SYNE2: variants seen among roughly 807,000 people sequenced by gnomAD.
The protein encoded by SYNE2 is spectrin repeat containing nuclear envelope protein 2.
A neutral mutation model predicts 856.3 loss-of-function variants in SYNE2; 431 were observed. The observed-to-expected ratio is 0.50, with a 90% CI of 0.47 to 0.55. The LOEUF is 0.55. Ranked by LOEUF, SYNE2 falls within the 20% of genes least tolerant of loss-of-function variation. The pLI is 0.00. For synonymous variants in SYNE2, 2,923 were observed against 2,872.3 expected (o/e 1.02, Z -0.56); for missense variants, 8,129 against 8,023.2 (o/e 1.01, Z -0.50).
At position 64,005,328 on chromosome 14, in the gene SYNE2, G is replaced by T. The variant is rs568704570; in HGVS notation, c.4398-1715G>T. ...GACCTATTGTAGTAATCCCTGGTAG[G>T]GATGAAGCTGGCATGGACCAGTGGT... On this transcript the variant is annotated intron_variant, in intron 30 of 115. Coordinates refer to ENST00000555002, the MANE Select transcript of SYNE2 (RefSeq NM_182914.3). Among the ~76,000 whole-genome samples the T allele has an allele frequency of 6.6e-5, 10 of 152,344 alleles. No individual in the cohort carries two copies. The East Asian group carries it at 1.7e-3, about 26-fold the overall frequency.
chr14:64,216,385 T>C lies in SYNE2; in HGVS notation c.19540T>C (p.Tyr6514His), dbSNP rs768294519. Residue 6514 changes from tyrosine (Y) to histidine (H), a missense_variant and splice_region_variant, in exon 108 of 116, where the codon TAT becomes CAT. Coordinates refer to ENST00000555002, the MANE Select transcript of SYNE2 (RefSeq NM_182914.3). ...PASSTPYKPPYGKLLLPPGTD... is the reference protein window; with the variant it reads ...PASSTPYKPPHGKLLLPPGTD... ...GTCCAGCACCCCTTATAAACCACCCTATGTAAGTCTTAACTTCACTGGGAG... is the reference window on the plus strand; with the variant it reads ...GTCCAGCACCCCTTATAAACCACCCCATGTAAGTCTTAACTTCACTGGGAG... The C allele has an allele frequency of 3.1e-6, 5 of 1,614,164 alleles. No homozygotes were observed. In the South Asian group the frequency reaches 5.5e-5, roughly 18 times the overall value.
chr14:63,784,305 A>G (rs1887431643), intron 1 of SYNE2, among the ~76,000 whole-genome samples: 1 of 150,378 alleles, frequency 6.6e-6, no homozygotes, highest in African/African-American at 2.4e-5. Context: ...AGCGTGTCCA[A>G]TATGGTGAAA....
At chr14:63,950,125 C>T (rs543369038) in intron 7 of SYNE2, 119 bp downstream of exon 7, 4 of 1,153,620 alleles carry the variant, frequency 3.5e-6, no homozygotes, top group South Asian at 1.2e-5. Context: ...CCCTTCCTCT[C>T]TGTGCTTCTT....
chr14:64,043,886 G>T (rs1209219540), intron 45 of SYNE2, among the ~76,000 whole-genome samples: 1 of 152,200 alleles, frequency 6.6e-6, no homozygotes, highest in Non-Finnish European at 1.5e-5. Flanking sequence ...TAGTGGAGTG[G>T]TCTCACTGTC....
At chr14:63,882,435 C>T (rs574333087) in intron 1 of SYNE2, among the ~76,000 whole-genome samples, 25 of 152,032 alleles carry the variant, frequency 1.6e-4, no homozygotes, top group Middle Eastern at 6.8e-3. Flanking sequence ...ATGTGGAGGC[C>T]GGGTGAGCGG....
At chr14:63,960,891 AATAAG>A (rs914725711) in intron 8 of SYNE2, 5 of 590,260 alleles carry the variant, frequency 8.5e-6, no homozygotes, top group African/African-American at 5.6e-5. Flanking sequence ...AAAAATAAAA[AATAAG>A]ATAAATAAGA....
chr14:64,208,112 T>C lies in SYNE2; in HGVS notation c.18202-646T>C, dbSNP rs142393447. On this transcript the variant is annotated intron_variant, in intron 100 of 115. Coordinates refer to ENST00000555002, the MANE Select transcript of SYNE2 (RefSeq NM_182914.3). ...TTGGGGAACTGCATCACTATCATCA[T>C]CAAAGGACAAGACTCCAGAGACCCC... is the stretch of plus-strand genomic sequence containing the variant. The C allele has an allele frequency of 1.1e-3, 484 of 456,062 alleles. 5 individuals are homozygous for C. The highest frequency in any genetic ancestry group is 9.1e-3 in the African/African-American group (458 of 50,178). The allele number at this position is 456,062 out of a possible 1,614,324, so 28.3% of individuals were successfully genotyped here.
intron 1 of SYNE2, among the ~76,000 whole-genome samples, chr14:63,790,512 T>G (rs1887696422): frequency 6.6e-6 from 1 of 152,186 alleles, no homozygotes; most frequent in Non-Finnish European, 1.5e-5. Context: ...AGAATACCTT[T>G]TACTTTTGTA....
intron 65 of SYNE2, among the ~76,000 whole-genome samples, chr14:64,109,315 C>T (rs1366292638): frequency 6.6e-6 from 1 of 151,462 alleles, no homozygotes; most frequent in African/African-American, 2.4e-5. Flanking sequence ...TAACAAAATA[C>T]TTACTGAACA....
chr14:64,194,974 C>T (rs1436365789), intron 99 of SYNE2, among the ~76,000 whole-genome samples: 2 of 152,158 alleles, frequency 1.3e-5, no homozygotes, highest in Non-Finnish European at 2.9e-5. Context: ...AGAACTCCCT[C>T]CCCATTTCCT....
chr14:64,069,602 T>C (rs780076842), intron 51 of SYNE2, among the ~76,000 whole-genome samples: 2 of 152,210 alleles, frequency 1.3e-5, no homozygotes, highest in East Asian at 1.9e-4. Flanking sequence ...ATCCCAAGGA[T>C]AGCATATACT....
rs1036345992 is a variant in SYNE2, at chr14:63,903,361, G to A, written c.-51-5737G>A. 2.0e-5 allele frequency among the ~76,000 whole-genome samples: 3 copies of A among 152,116 alleles called. No individual in the cohort carries two copies. The East Asian group carries it at 5.8e-4, about 29-fold the overall frequency. On this transcript the variant is annotated intron_variant, in intron 1 of 115. Transcript: ENST00000555002. The stretch of plus-strand genomic sequence containing the variant: ...GTAAAAAATTATGAATATATCTTTT[G>A]CCTTGTTTGATAATAAATTTTCATG...
chr14:63,900,542 A>AC lies in SYNE2; in HGVS notation c.-51-8550dup, dbSNP rs556107344. Among the ~76,000 whole-genome samples, 265 of 151,872 alleles carry AC rather than the reference A, an allele frequency of 1.7e-3. 1 individual carries two copies. The highest frequency in any genetic ancestry group is 3.0e-3 in the Non-Finnish European group (205 of 67,956). ...AAAGACCCACCGCCATAATTCAATC[A>AC]CCCCCCACTAGGTTCCTCCCATGAC... On this transcript the variant is annotated intron_variant, in intron 1 of 115. Transcript: ENST00000555002.
At position 64,122,048 on chromosome 14, in the gene SYNE2, A is replaced by C. The variant is rs750831717; in HGVS notation, c.13195A>C (p.Ile4399Leu). Residue 4399 changes from isoleucine to leucine, a missense_variant, in exon 69 of 116, where the codon ATC (isoleucine) becomes CTC (leucine). Transcript: ENST00000555002. ...AAAACCAATGGAACAGAAAGATTTC[A>C]TCAAATTCATAGAATTTAATGCTAA... The part of the protein sequence containing the change: ...ELKPMEQKDF[I>L]KFIEFNAKKM... 16 of 1,613,962 alleles carry C rather than the reference A, an allele frequency of 9.9e-6. No homozygotes were observed. Among genetic ancestry groups the C allele is most frequent in the Non-Finnish European group, 1.4e-5 (16 of 1,180,010 alleles).
intron 62 of SYNE2, chr14:64,098,521 T>C (rs2097695501): frequency 3.3e-6 from 2 of 607,910 alleles, no homozygotes; most frequent in Admixed American, 2.9e-5. Context: ...TTTAATCGTT[T>C]ATGAAGGGGC....
chr14:63,839,772 T>C (rs1889985571), intron 1 of SYNE2, among the ~76,000 whole-genome samples: 1 of 152,256 alleles, frequency 6.6e-6, no homozygotes, highest in African/African-American at 2.4e-5. Context: ...GTCTTTATTA[T>C]GTGCGGAAAA....
intron 107 of SYNE2, chr14:64,215,963 CCACT>C (rs2098664433): frequency 2.2e-6 from 3 of 1,359,502 alleles, no homozygotes; most frequent in Middle Eastern, 5.7e-4. Flanking sequence ...CCCGGCCTTG[CCACT>C]CAGTGTCCCT....
At chr14:64,097,449 A>G (rs2097686464) in intron 61 of SYNE2, among the ~76,000 whole-genome samples, 1 of 152,244 alleles carries the variant, frequency 6.6e-6, no homozygotes, top group African/African-American at 2.4e-5. Flanking sequence ...TAGTCTGCTT[A>G]AGAATTTCCT....
At chr14:64,030,092 TA>T (rs554506500) in intron 44 of SYNE2, 33 bp downstream of exon 44, 13,299 of 1,275,962 alleles carry the variant, frequency 0.01, no homozygotes, top group Non-Finnish European at 0.012. Flanking sequence ...GATAGACATT[TA>T]AAAAAAAAAA....
Sources: allele counts gnomAD v4.1 joint callset (sites outside exome capture counted in the v4.1 genomes callset), GRCh38; gene constraint gnomAD v4.1.1; transcripts MANE v1.5; gene names NCBI Gene and HGNC (gene_info 2026-07-23, HGNC 2026-07-21).